ZNF730: variants seen among roughly 807,000 people sequenced by gnomAD.
The protein encoded by ZNF730 is zinc finger protein 730.
ZNF730 carries 12 observed loss-of-function variants against 12.6 expected under a neutral mutation model. The observed-to-expected ratio is 0.95, with a 90% confidence interval of 0.61 to 1.54. The LOEUF (loss-of-function observed/expected upper bound fraction) is 1.54, where lower values mean the gene tolerates loss of function less well. Among genes scored for constraint, ZNF730 ranks in the 40% most tolerant of loss-of-function variants. The pLI, the probability that ZNF730 is intolerant of heterozygous loss-of-function variation, is 0.00. For synonymous variants in ZNF730, 194 were observed against 195.8 expected, an observed-to-expected ratio of 0.99 and a Z score of 0.08; for missense variants, 643 against 583.5, an observed-to-expected ratio of 1.10 and a Z score of -1.05.
chr19:23,107,458 A>G (rs1397538439), intron 1 of ZNF730, among the ~76,000 whole-genome samples: 2 of 144,964 alleles, frequency 1.4e-5, no homozygotes, highest in African/African-American at 2.6e-5. Flanking sequence ...CCAAAAAAAA[A>G]AAAAAAAAAA....
intron 1 of ZNF730, chr19:23,099,946 A>G (rs1047024989): frequency 2.6e-5 from 4 of 152,196 alleles, no homozygotes; most frequent in Admixed American, 6.5e-5. Flanking sequence ...CCTTGCACTC[A>G]GGTGATGTGA....
chr19:23,121,624 G>A (rs116517762), intron 1 of ZNF730, among the ~76,000 whole-genome samples: 8,195 of 152,236 alleles, frequency 0.054, 254 homozygotes, highest in Middle Eastern at 0.088. Flanking sequence ...ACAGGCGTGA[G>A]CTGCCATGCC....
At chr19:23,080,573 G>C (rs771357) in intron 1 of ZNF730, among the ~76,000 whole-genome samples, 63,116 of 151,524 alleles carry the variant, frequency 0.42, 14,600 homozygotes, top group African/African-American at 0.63. Context: ...CGGGGTTTCA[G>C]CATGTTGCCC....
At chr19:23,131,927 G>A (rs947236832) in intron 1 of ZNF730, among the ~76,000 whole-genome samples, 7 of 152,158 alleles carry the variant, frequency 4.6e-5, no homozygotes, top group African/African-American at 1.7e-4. Context: ...ATACATTTAT[G>A]ATAGTTAAGT....
intron 1 of ZNF730, among the ~76,000 whole-genome samples, chr19:23,087,864 C>T (rs775519178): frequency 1.4e-4 from 22 of 152,010 alleles, no homozygotes; most frequent in Non-Finnish European, 3.2e-4. Context: ...TCCACCACCT[C>T]GGCCTCCCAA....
At chr19:23,144,766 T>G (rs889635795) in intron 3 of ZNF730, among the ~76,000 whole-genome samples, 1 of 151,156 alleles carries the variant, frequency 6.6e-6, no homozygotes, top group Non-Finnish European at 1.5e-5. Flanking sequence ...CCACAGTCTC[T>G]CTGATGCTGT....
chr19:23,116,539 T>C (rs1970526551), upstream of ZNF730, among the ~76,000 whole-genome samples: 1 of 147,824 alleles, frequency 6.8e-6, no homozygotes, highest in South Asian at 2.2e-4. Context: ...CCCGAGTAGC[T>C]GGGATTACAG....
At chr19:23,097,403 T>C (rs1970270752) in intron 1 of ZNF730, among the ~76,000 whole-genome samples, 2 of 152,052 alleles carry the variant, frequency 1.3e-5, no homozygotes, top group Non-Finnish European at 2.9e-5. Context: ...TATTGCTGAT[T>C]TCATACCGAG....
At chr19:23,107,235 G>T (rs1970403071) in intron 1 of ZNF730, among the ~76,000 whole-genome samples, 1 of 151,386 alleles carries the variant, frequency 6.6e-6, no homozygotes, top group African/African-American at 2.4e-5. Context: ...ACTAATTTTT[G>T]TATTTTTAGT....
chr19:23,116,095 C>T (rs2145588200), upstream of ZNF730, among the ~76,000 whole-genome samples: 1 of 152,314 alleles, frequency 6.6e-6, no homozygotes, highest in East Asian at 1.9e-4. Context: ...AAAACTACAT[C>T]CTGACACTTA....
intron 1 of ZNF730, among the ~76,000 whole-genome samples, chr19:23,109,670 C>T (rs1470816289): frequency 1.3e-5 from 2 of 152,018 alleles, no homozygotes; most frequent in African/African-American, 4.8e-5. Context: ...GCCTCAGGCT[C>T]CCCAAGTGCT....
In ZNF730 at chr19:23,146,375, GA is replaced by G. The variant is rs1568319775; in HGVS notation, c.1333del (p.Ile445PhefsTer28). ...TCCTCAACCCTTACTACACATAAAA[GA>G]ATTCATACTGGAGAGAAACCCTATG... is the stretch of plus-strand genomic sequence containing the variant. The part of the protein sequence containing the change: ...NQSSTLTTHK[R>X]IHTGEKPYEC... On this transcript the variant is annotated frameshift_variant, in exon 4 of 4. Transcript: ENST00000597761. LOFTEE classifies it low-confidence loss of function (END_TRUNC). The G allele has an allele frequency of 1.2e-6, 2 of 1,611,770 alleles. No individual in the cohort carries two copies. Among genetic ancestry groups the G allele is most frequent in the Non-Finnish European group, 1.7e-6 (2 of 1,179,374 alleles).
intron 1 of ZNF730, among the ~76,000 whole-genome samples, chr19:23,120,630 ATTATC>A (rs61388724): frequency 0.054 from 8,174 of 151,968 alleles, 246 homozygotes; most frequent in Middle Eastern, 0.082. Flanking sequence ...ATAAGTGGTT[ATTATC>A]TTATTAAATT....
At chr19:23,122,375 T>G (rs1400506017) in intron 1 of ZNF730, among the ~76,000 whole-genome samples, 2 of 152,130 alleles carry the variant, frequency 1.3e-5, no homozygotes, top group Non-Finnish European at 2.9e-5. Context: ...ACTCCTGACC[T>G]CAGGTGATCC....
At chr19:23,110,282 A>T (rs1396065179) in intron 1 of ZNF730, among the ~76,000 whole-genome samples, 10 of 115,094 alleles carry the variant, frequency 8.7e-5, no homozygotes, top group South Asian at 2.8e-4. Flanking sequence ...CTTTATAACC[A>T]TTTTTTTTTT....
chr19:23,095,312 C>T (rs1374396906), intron 1 of ZNF730: 2 of 398,480 alleles, frequency 5.0e-6, no homozygotes, highest in Non-Finnish European at 8.8e-6. Context: ...ATGTGACTCT[C>T]CTGCGTGTGC....
At chr19:23,081,423 G>A (rs1480801605) in intron 1 of ZNF730, among the ~76,000 whole-genome samples, 3 of 152,140 alleles carry the variant, frequency 2.0e-5, no homozygotes, top group Non-Finnish European at 2.9e-5. Flanking sequence ...GGGTTCAAGC[G>A]ATTCTCCTGC....
At chr19:23,141,777 G>A (rs1970924603) in intron 3 of ZNF730, among the ~76,000 whole-genome samples, 1 of 151,942 alleles carries the variant, frequency 6.6e-6, no homozygotes, top group Non-Finnish European at 1.5e-5. Flanking sequence ...TGTCTATGAA[G>A]GAAAATGTTC....
intron 1 of ZNF730, among the ~76,000 whole-genome samples, chr19:23,094,598 C>T (rs911470115): frequency 2.0e-5 from 3 of 152,174 alleles, no homozygotes; most frequent in Non-Finnish European, 2.9e-5. Context: ...CTCAGCCTCC[C>T]AAGTATCTGG....
Sources: gnomAD v4.1 joint callset for allele counts (sites outside exome capture counted in the v4.1 genomes callset) on GRCh38, gnomAD v4.1.1 for gene constraint, MANE v1.5 for transcripts, NCBI Gene and HGNC (gene_info 2026-07-23, HGNC 2026-07-21) for gene names.